Variants in IMMP2L observed in about 807,000 individuals in gnomAD.
IMMP2L encodes mitochondrial inner membrane protease subunit 2.
Under a neutral mutation model 19.3 loss-of-function variants are expected in IMMP2L, and 18 were observed. The observed-to-expected ratio is 0.93, with a 90% CI of 0.64 to 1.38. The LOEUF (loss-of-function observed/expected upper bound fraction) is 1.38, where lower values mean the gene tolerates loss of function less well. Among genes scored for constraint, IMMP2L ranks in the 40% most tolerant of loss-of-function variants. The probability of loss-of-function intolerance (pLI) is 0.00; values close to 1 mark genes in which losing one functional copy is unlikely to be tolerated. For synonymous variants in IMMP2L, 76 were observed against 73.0 expected, an observed-to-expected ratio of 1.04 and a Z score of -0.21; for missense variants, 233 against 218.2, an observed-to-expected ratio of 1.07 and a Z score of -0.43.
chr7:111,150,898 A>G (rs1376978005), intron 3 of IMMP2L, among the ~76,000 whole-genome samples: 2 of 152,136 alleles, frequency 1.3e-5, no homozygotes, highest in Non-Finnish European at 2.9e-5. Flanking sequence ...GTGCCATTTC[A>G]TTAGCCACAG....
intron 3 of IMMP2L, among the ~76,000 whole-genome samples, chr7:111,378,044 G>C (rs1175652169): frequency 1.3e-5 from 2 of 151,754 alleles, no homozygotes; most frequent in African/African-American, 4.8e-5. Flanking sequence ...TTATGGAATA[G>C]ACTTGGTAGC....
intron 3 of IMMP2L, among the ~76,000 whole-genome samples, chr7:111,472,184 G>A (rs1476914017): frequency 6.6e-6 from 1 of 151,856 alleles, no homozygotes; most frequent in Non-Finnish European, 1.5e-5. Flanking sequence ...TTTACTTTGG[G>A]CATGTATATA....
At chr7:111,093,719 T>C (rs1797104715) in intron 3 of IMMP2L, among the ~76,000 whole-genome samples, 1 of 152,140 alleles carries the variant, frequency 6.6e-6, no homozygotes, top group African/African-American at 2.4e-5. Context: ...TGCCACTCAG[T>C]GTGTGCCAGT....
intron 3 of IMMP2L, among the ~76,000 whole-genome samples, chr7:111,127,760 C>T (rs1402752926): frequency 2.0e-5 from 3 of 152,090 alleles, no homozygotes; most frequent in Non-Finnish European, 4.4e-5. Flanking sequence ...AAGTTTATAG[C>T]TGTATGAATG....
At chr7:110,969,786 C>T (rs1490527679) in intron 3 of IMMP2L, among the ~76,000 whole-genome samples, 1 of 152,004 alleles carries the variant, frequency 6.6e-6, no homozygotes, top group Non-Finnish European at 1.5e-5. Context: ...TCAGAGCATA[C>T]CCTACCTGAA....
chr7:111,461,761 G>A (rs1450692484), intron 3 of IMMP2L, among the ~76,000 whole-genome samples: 1 of 151,980 alleles, frequency 6.6e-6, no homozygotes, highest in Non-Finnish European at 1.5e-5. Context: ...TTTACCTACA[G>A]GAATGTTTTT....
At chr7:110,859,541 G>A (rs539019603) in intron 5 of IMMP2L, among the ~76,000 whole-genome samples, 2 of 151,762 alleles carry the variant, frequency 1.3e-5, no homozygotes, top group Admixed American at 1.3e-4. Flanking sequence ...TCAGGAGTTC[G>A]AGACTAGCCT....
At chr7:111,432,846 A>T (rs1023646570) in intron 3 of IMMP2L, among the ~76,000 whole-genome samples, 2 of 151,590 alleles carry the variant, frequency 1.3e-5, no homozygotes, top group Non-Finnish European at 2.9e-5. Flanking sequence ...TGAATTCAGT[A>T]AAGTTTCAGG....
At chr7:111,282,132 T>C (rs1819951781) in intron 3 of IMMP2L, among the ~76,000 whole-genome samples, 1 of 152,146 alleles carries the variant, frequency 6.6e-6, no homozygotes, top group African/African-American at 2.4e-5. Flanking sequence ...ATAAAGCTTA[T>C]AAGACTAATT....
At chr7:110,671,128 G>A (rs1304450995) in intron 5 of IMMP2L, among the ~76,000 whole-genome samples, 1 of 152,208 alleles carries the variant, frequency 6.6e-6, no homozygotes, top group Non-Finnish European at 1.5e-5. Flanking sequence ...TCACCTATGT[G>A]TCTTAATAGA....
chr7:111,517,069 A>T (rs1460982426), intron 2 of IMMP2L, among the ~76,000 whole-genome samples: 3 of 152,164 alleles, frequency 2.0e-5, no homozygotes, highest in Non-Finnish European at 4.4e-5. Context: ...AGTTACAAGC[A>T]ATAATGACTG....
At chr7:110,986,547 G>A (rs1821880176) in intron 3 of IMMP2L, among the ~76,000 whole-genome samples, 1 of 152,098 alleles carries the variant, frequency 6.6e-6, no homozygotes, top group Admixed American at 6.6e-5. Flanking sequence ...GGCTTCCCAG[G>A]TCTCTTACGA....
chr7:110,678,679 G>T (rs1792493981), intron 5 of IMMP2L, among the ~76,000 whole-genome samples: 1 of 152,128 alleles, frequency 6.6e-6, no homozygotes, highest in African/African-American at 2.4e-5. Flanking sequence ...AGCAGAGGTT[G>T]TGGTCAAGCC....
At chr7:111,278,783 T>C (rs1161721551) in intron 3 of IMMP2L, among the ~76,000 whole-genome samples, 1 of 152,214 alleles carries the variant, frequency 6.6e-6, no homozygotes, top group African/African-American at 2.4e-5. Flanking sequence ...ACAAGTAATC[T>C]AGTTTTCTGT....
intron 3 of IMMP2L, among the ~76,000 whole-genome samples, chr7:111,437,805 T>A (rs961502817): frequency 6.6e-6 from 1 of 151,870 alleles, no homozygotes; most frequent in Admixed American, 6.6e-5. Flanking sequence ...AGTCACTACA[T>A]ACAAATGTGT....
intron 3 of IMMP2L, among the ~76,000 whole-genome samples, chr7:111,153,022 T>A (rs1685237832): frequency 6.6e-6 from 1 of 152,132 alleles, no homozygotes; most frequent in Non-Finnish European, 1.5e-5. Flanking sequence ...ACCTGCAGTT[T>A]TACTGTAAAG....
intron 5 of IMMP2L, among the ~76,000 whole-genome samples, chr7:110,706,964 T>C (rs1794731812): frequency 6.6e-6 from 1 of 151,436 alleles, no homozygotes; most frequent in Non-Finnish European, 1.5e-5. Flanking sequence ...CTTCTAGGAT[T>C]TTTACAGTTT....
At chr7:111,306,964 A>G (rs1158440944) in intron 3 of IMMP2L, among the ~76,000 whole-genome samples, 1 of 149,716 alleles carries the variant, frequency 6.7e-6, no homozygotes, top group Non-Finnish European at 1.5e-5. Flanking sequence ...TGTTTAAAGA[A>G]CTGGTTAACT....
rs1257974138 is a variant in IMMP2L at position 110,720,791 on chromosome 7, TAAAATACCAAGG to T, written c.409-57082_409-57071del. Among the ~76,000 whole-genome samples the T allele has an allele frequency of 9.9e-5, 15 of 152,254 alleles. No homozygotes were observed. The South Asian group carries it at 2.5e-3, about 25-fold the overall frequency. On this transcript the variant is annotated intron_variant, in intron 5 of 5. Coordinates refer to ENST00000405709, the MANE Select transcript of IMMP2L (RefSeq NM_032549.4). ...CTCTTAGCGGTTCTGCCTATGCTTT[TAAAATACCAAGG>T]AAACACTTTGGGATTCTTGCCAACC...
Sources: gnomAD v4.1 joint callset for allele counts (sites outside exome capture counted in the v4.1 genomes callset) on GRCh38, gnomAD v4.1.1 for gene constraint, MANE v1.5 for transcripts, NCBI Gene and HGNC (gene_info 2026-07-23, HGNC 2026-07-21) for gene names.